CDH19: variants seen among roughly 807,000 people sequenced by gnomAD.
The protein encoded by CDH19 is cadherin-19.
CDH19 carries 67 observed loss-of-function variants against 64.2 expected under a neutral mutation model. The observed-to-expected ratio is 1.04, with a 90% CI of 0.86 to 1.28. The LOEUF (loss-of-function observed/expected upper bound fraction) is 1.28, where lower values mean the gene tolerates loss of function less well. Among genes scored for constraint, CDH19 ranks in the 50% most tolerant of loss-of-function variants. The pLI, the probability that CDH19 is intolerant of heterozygous loss-of-function variation, is 0.00. For synonymous variants in CDH19, 346 were observed against 319.3 expected, an observed-to-expected ratio of 1.08 and a Z score of -0.89; for missense variants, 1,030 against 929.0, an observed-to-expected ratio of 1.11 and a Z score of -1.41.
chr18:66,599,727 C>T, intron 1 of CDH19, among the ~76,000 whole-genome samples: 1 of 151,910 alleles, frequency 6.6e-6, no homozygotes, highest in South Asian at 2.1e-4. Context: ...ATCCTATAAA[C>T]AGATTAATAA....
chr18:66,544,284 G>GA lies in CDH19; in HGVS notation c.961-61dup, dbSNP rs1987016558. Reference sequence around the variant, plus strand: ...CTTTAGTAACCCAAGATACTATTTAGAAAAAAGGTTTTACCTGTTAAATTA... The same window carrying GA: ...CTTTAGTAACCCAAGATACTATTTAGAAAAAAAGGTTTTACCTGTTAAATTA... On this transcript the variant is annotated intron_variant, in intron 6 of 11. Transcript: ENST00000262150. 7 of 1,508,064 alleles carry GA rather than the reference G, an allele frequency of 4.6e-6. No homozygotes were observed. In the Admixed American group the frequency reaches 1.1e-4, roughly 24 times the overall value. The allele number at this position is 1,508,064 out of a possible 1,614,324, so 93.4% of individuals were successfully genotyped here.
chr18:66,542,715 G>C (rs1259982609), intron 7 of CDH19, among the ~76,000 whole-genome samples: 2 of 151,974 alleles, frequency 1.3e-5, no homozygotes, highest in African/African-American at 2.4e-5. Context: ...GAGGGCAGGC[G>C]AGCCAGCCTT....
In CDH19 at chr18:66,535,056, G is replaced by A; in HGVS notation, c.1266C>T (p.Ile422=). 6.6e-7 allele frequency: 1 copy of A among 1,512,224 alleles called. No individual in the cohort carries two copies. The highest frequency in any genetic ancestry group is 1.3e-5 in the South Asian group (1 of 76,706). 93.7% of individuals were successfully genotyped at this position (1,512,224 alleles called of 1,614,324 possible). Residue 422 remains isoleucine, a synonymous_variant, in exon 8 of 12, where the codon ATC becomes ATT. Coordinates refer to ENST00000262150, the MANE Select transcript of CDH19 (RefSeq NM_021153.4). ...KVFNINDNGT[I]TTSNSLDREI... ...CACGATCCAGTGAGTTACTTGTAGT[G>A]ATTGTACCATTATCATTGATATTGA...
Position 66,561,587 on chromosome 18 carries a change from A to C in CDH19, c.490+6829T>G, listed in dbSNP as rs564670811. Among the ~76,000 whole-genome samples, 201 of 152,236 alleles carry C rather than the reference A, an allele frequency of 1.3e-3. 8 individuals carry two copies. The South Asian group carries it at 0.04, about 31-fold the overall frequency. On this transcript the variant is annotated intron_variant, in intron 3 of 11. Coordinates refer to ENST00000262150, the MANE Select transcript of CDH19 (RefSeq NM_021153.4). ...CAAGGAATGTAAACAGAGAGTGAAAAAATGCTTTTTGGGGGACCGAAGGGT... is the reference window on the plus strand; with the variant it reads ...CAAGGAATGTAAACAGAGAGTGAAACAATGCTTTTTGGGGGACCGAAGGGT...
At chr18:66,585,024 G>A (rs1267048783) in intron 1 of CDH19, among the ~76,000 whole-genome samples, 1 of 152,072 alleles carries the variant, frequency 6.6e-6, no homozygotes, top group South Asian at 2.1e-4. Context: ...TTCACTGGGA[G>A]GAGGTACATA....
At chr18:66,515,392 G>A (rs1985691420) in intron 9 of CDH19, among the ~76,000 whole-genome samples, 1 of 151,750 alleles carries the variant, frequency 6.6e-6, no homozygotes, top group Non-Finnish European at 1.5e-5. Context: ...CAAAAAAGGT[G>A]TTGAACATCT....
chr18:66,554,819 T>C (rs1987461726), intron 3 of CDH19, among the ~76,000 whole-genome samples: 1 of 151,880 alleles, frequency 6.6e-6, no homozygotes, highest in Non-Finnish European at 1.5e-5. Flanking sequence ...CATTGTAATG[T>C]ATAATTTATA....
rs1986242040 is a variant in CDH19 at position 66,526,885 on chromosome 18, A to T, written c.1458+2960T>A. Among the ~76,000 whole-genome samples, 3 of 152,020 alleles carry T rather than the reference A, an allele frequency of 2.0e-5. No individual in the cohort carries two copies. The South Asian group carries it at 6.2e-4, about 32-fold the overall frequency. On this transcript the variant is annotated intron_variant, in intron 9 of 11. Coordinates refer to ENST00000262150, the MANE Select transcript of CDH19 (RefSeq NM_021153.4). ...GTATTACATCAACTTTGAAAAATAT[A>T]TAAAAGAGGACTGGCACACCATCTT...
At chr18:66,591,738 G>GA (rs796371956) in intron 1 of CDH19, among the ~76,000 whole-genome samples, 2 of 151,818 alleles carry the variant, frequency 1.3e-5, no homozygotes, top group African/African-American at 2.4e-5. Context: ...TACTTTAATG[G>GA]AAAAAACATT....
At chr18:66,563,882 C>A (rs1053941601) in intron 3 of CDH19, among the ~76,000 whole-genome samples, 2 of 151,766 alleles carry the variant, frequency 1.3e-5, no homozygotes, top group African/African-American at 4.8e-5. Flanking sequence ...TTTTTGACAC[C>A]TCTACTTTTT....
At chr18:66,585,033 T>C (rs1308542212) in intron 1 of CDH19, among the ~76,000 whole-genome samples, 1 of 151,968 alleles carries the variant, frequency 6.6e-6, no homozygotes, top group Admixed American at 6.6e-5. Flanking sequence ...AGGAGGTACA[T>C]AAAATTGGTC....
chr18:66,533,749 G>C (rs1598988425), intron 8 of CDH19, among the ~76,000 whole-genome samples: 2 of 152,084 alleles, frequency 1.3e-5, no homozygotes, highest in East Asian at 3.9e-4. Context: ...TTTTTAAATG[G>C]AACATCTCTT....
intron 1 of CDH19, among the ~76,000 whole-genome samples, chr18:66,582,855 T>C (rs1988464801): frequency 6.6e-6 from 1 of 152,062 alleles, no homozygotes; most frequent in African/African-American, 2.4e-5. Context: ...GGACTGTGGA[T>C]TAATGAGCAG....
At chr18:66,533,470 A>G (rs1022707914) in intron 8 of CDH19, among the ~76,000 whole-genome samples, 1 of 152,068 alleles carries the variant, frequency 6.6e-6, no homozygotes, top group Non-Finnish European at 1.5e-5. Flanking sequence ...AAATTGTATA[A>G]TGTAATTCAG....
intron 1 of CDH19, 24 bp downstream of exon 1, chr18:66,603,930 T>C (rs1989098136): frequency 1.3e-5 from 2 of 152,184 alleles, no homozygotes; most frequent in African/African-American, 4.8e-5. Context: ...TAGTTTATAA[T>C]ATGCCTGATT....
chr18:66,575,094 G>A (rs1988227084), intron 1 of CDH19, among the ~76,000 whole-genome samples: 1 of 151,792 alleles, frequency 6.6e-6, no homozygotes, highest in Non-Finnish European at 1.5e-5. Flanking sequence ...AAAAGAAATT[G>A]TTGCATCTCC....
In CDH19 at chr18:66,554,408, T is replaced by C. The variant is rs141895623; in HGVS notation, c.607A>G (p.Thr203Ala). The change falls in exon 4 of 12, where the codon ACA becomes GCA. Residue 203 changes from threonine (T) to alanine (A), a missense_variant. Coordinates refer to ENST00000262150, the MANE Select transcript of CDH19 (RefSeq NM_021153.4). Reference sequence around the variant, plus strand: ...TGCTTGTTTCATTCACAAATACCTGTTGTTGGTTCAACAGAAAAATATGGC... The same window carrying C: ...TGCTTGTTTCATTCACAAATACCTGCTGTTGGTTCAACAGAAAAATATGGC... ...GQPYFSVEPT[T>A]GVIRISSKMD... is the part of the protein sequence containing the mutation. The C allele has an allele frequency of 2.5e-6, 4 of 1,611,226 alleles. No individual in the cohort carries two copies. The highest frequency in any genetic ancestry group is 3.4e-6 in the Non-Finnish European group (4 of 1,178,306).
At chr18:66,506,599 T>A (rs1393405213) in intron 11 of CDH19, among the ~76,000 whole-genome samples, 1 of 152,030 alleles carries the variant, frequency 6.6e-6, no homozygotes, top group African/African-American at 2.4e-5. Context: ...TTACATAAGA[T>A]AATTTTAACA....
intron 9 of CDH19, among the ~76,000 whole-genome samples, chr18:66,519,145 T>A (rs1985871167): frequency 6.6e-6 from 1 of 152,176 alleles, no homozygotes. Context: ...TCCACTCTCA[T>A]CTCCAACAGA....
Sources: gnomAD v4.1 joint callset for allele counts (sites outside exome capture counted in the v4.1 genomes callset) on GRCh38, gnomAD v4.1.1 for gene constraint, MANE v1.5 for transcripts, NCBI Gene and HGNC (gene_info 2026-07-23, HGNC 2026-07-21) for gene names.